The following CFAP161 variants were observed in gnomAD, a reference collection of about 807,000 sequenced individuals.
CFAP161 encodes cilia- and flagella-associated protein 161.
CFAP161 carries 25 observed loss-of-function variants against 29.0 expected under a neutral mutation model. The observed-to-expected ratio is 0.86, with a 90% CI of 0.63 to 1.20. CFAP161 has a LOEUF of 1.20. Ranked by LOEUF, CFAP161 falls within the 50% of genes most tolerant of loss-of-function variation. The pLI is 0.00. For missense variants in CFAP161, 367 were observed against 371.9 expected, an observed-to-expected ratio of 0.99 and a Z score of 0.11; for synonymous variants, 116 against 137.4, an observed-to-expected ratio of 0.84 and a Z score of 1.09.
At chr15:81,121,836 A>T (rs1168278297) in intron 1 of CFAP161, among the ~76,000 whole-genome samples, 1 of 152,200 alleles carries the variant, frequency 6.6e-6, no homozygotes, top group Admixed American at 6.5e-5. Flanking sequence ...AGTATCCATT[A>T]GTTATTTTTC....
At chr15:81,106,231 A>G (rs1476697794) in intron 1 of CFAP161, among the ~76,000 whole-genome samples, 1 of 152,238 alleles carries the variant, frequency 6.6e-6, no homozygotes, top group Non-Finnish European at 1.5e-5. Flanking sequence ...CAAGAAAGAC[A>G]TAGTTTGGGG....
chr15:81,138,182 G>A (rs1001248264), intron 4 of CFAP161, 47 bp downstream of exon 4: 2 of 1,452,626 alleles, frequency 1.4e-6, no homozygotes, highest in African/African-American at 2.8e-5. Flanking sequence ...CATTTCTGTT[G>A]CCCAAAATGG....
intron 2 of CFAP161, among the ~76,000 whole-genome samples, chr15:81,136,030 T>G (rs145270266): frequency 2.1e-3 from 323 of 152,358 alleles, no homozygotes; most frequent in African/African-American, 7.3e-3. Flanking sequence ...AAAATTCTGT[T>G]GAACTTGGTG....
chr15:81,134,189 A>G (rs368101715), upstream of CFAP161: 1 of 978,564 alleles, frequency 1.0e-6, no homozygotes. Context: ...CTCCCGCCCC[A>G]GGGCGAGGGT....
upstream of CFAP161, among the ~76,000 whole-genome samples, chr15:81,133,219 A>ATTTT (rs1894744309): frequency 3.4e-5 from 1 of 29,306 alleles, no homozygotes; most frequent in African/African-American, 1.1e-4. Flanking sequence ...ATATATATAT[A>ATTTT]TATATGTATT....
chr15:81,138,970 C>T (rs189690418), intron 4 of CFAP161, among the ~76,000 whole-genome samples: 132 of 152,168 alleles, frequency 8.7e-4, no homozygotes, highest in South Asian at 2.7e-3. Flanking sequence ...TATGATGTAG[C>T]GTTATTATTA....
intron 2 of CFAP161, among the ~76,000 whole-genome samples, chr15:81,128,464 G>A (rs1894668723): frequency 1.3e-5 from 2 of 152,184 alleles, no homozygotes; most frequent in Non-Finnish European, 2.9e-5. Flanking sequence ...TCATTCATAA[G>A]CAGCAACTCC....
intron 1 of CFAP161, among the ~76,000 whole-genome samples, chr15:81,125,302 T>G (rs915272078): frequency 2.0e-5 from 3 of 152,134 alleles, no homozygotes; most frequent in Non-Finnish European, 4.4e-5. Context: ...ACCTTAAAGT[T>G]AAATATATGA....
upstream of CFAP161, among the ~76,000 whole-genome samples, chr15:81,131,446 A>G (rs552853929): frequency 6.6e-6 from 1 of 152,314 alleles, no homozygotes; most frequent in Non-Finnish European, 1.5e-5. Flanking sequence ...AGGTATGATG[A>G]TAGTGTTTCA....
At chr15:81,117,729 T>C in intron 1 of CFAP161, 1 of 324,662 alleles carries the variant, frequency 3.1e-6, no homozygotes, top group Non-Finnish European at 6.2e-6. Context: ...CTCATCCATC[T>C]TCATCTTTAT....
chr15:81,111,246 C>G (rs1392445997), intron 1 of CFAP161, among the ~76,000 whole-genome samples: 3 of 152,340 alleles, frequency 2.0e-5, no homozygotes, highest in Non-Finnish European at 4.4e-5. Flanking sequence ...CCATGAGTAT[C>G]TTATTTCCCA....
chr15:81,103,409 C>T (rs1345223982), intron 1 of CFAP161, among the ~76,000 whole-genome samples: 1 of 152,104 alleles, frequency 6.6e-6, no homozygotes, highest in African/African-American at 2.4e-5. Context: ...AAGATCCTCC[C>T]CAGGGAGGAT....
chr15:81,135,635 C>T (rs926738939), intron 2 of CFAP161, among the ~76,000 whole-genome samples: 4 of 151,450 alleles, frequency 2.6e-5, no homozygotes, highest in Admixed American at 1.3e-4. Context: ...TCTGTCCCTG[C>T]GATAGTTTGC....
At chr15:81,125,715 T>C (rs1894631817) in intron 1 of CFAP161, among the ~76,000 whole-genome samples, 1 of 152,174 alleles carries the variant, frequency 6.6e-6, no homozygotes, top group South Asian at 2.1e-4. Flanking sequence ...GACATCAGAT[T>C]TTACTATGTA....
chr15:81,102,505 CA>C lies in CFAP161; in HGVS notation c.-141-25074del, dbSNP rs1047459683. ...CAACATAGCAAGACTTCTGTCTCTA[CA>C]AAAAAAAAAATAAAAAATTAGTTGA... On this transcript the variant is annotated intron_variant, in intron 1 of 4. Coordinates refer to the CFAP161 transcript ENST00000560091. Among the ~76,000 whole-genome samples, 246 of 143,708 alleles carry C rather than the reference CA, an allele frequency of 1.7e-3. 2 individuals carry two copies. Among genetic ancestry groups the C allele is most frequent in the African/African-American group, 5.2e-3 (206 of 39,860 alleles). The allele number at this position is 143,708 out of a possible 152,430, so 94.3% of individuals were successfully genotyped here. A position where few individuals can be genotyped will look rare whatever the true frequency, so the allele number is the denominator to read the frequency against.
At chr15:81,119,897 A>G (rs1291717158) in intron 1 of CFAP161, among the ~76,000 whole-genome samples, 2 of 99,616 alleles carry the variant, frequency 2.0e-5, no homozygotes. Context: ...CTTTAAAAAA[A>G]AATTAAAAAA....
At chr15:81,128,268 G>C (rs1894665684) in intron 2 of CFAP161, among the ~76,000 whole-genome samples, 1 of 152,222 alleles carries the variant, frequency 6.6e-6, no homozygotes, top group Admixed American at 6.5e-5. Context: ...TGTAGCATGT[G>C]ATGATGTTTG....
intron 1 of CFAP161, among the ~76,000 whole-genome samples, chr15:81,125,468 C>T (rs1894629174): frequency 1.3e-5 from 2 of 152,132 alleles, no homozygotes; most frequent in Non-Finnish European, 2.9e-5. Flanking sequence ...TGTCAAACCC[C>T]TATTCCTTAA....
chr15:81,099,551 A>C (rs1894279117), intron 1 of CFAP161: 1 of 152,204 alleles, frequency 6.6e-6, no homozygotes, highest in African/African-American at 2.4e-5. Context: ...GCAAAGGGGA[A>C]TTTTGGTCCT....
Sources: gnomAD v4.1 joint callset for allele counts (sites outside exome capture counted in the v4.1 genomes callset) on GRCh38, gnomAD v4.1.1 for gene constraint, MANE v1.5 for transcripts, NCBI Gene and HGNC (gene_info 2026-07-23, HGNC 2026-07-21) for gene names.